BIRC6: variants seen among roughly 807,000 people sequenced by gnomAD.
BIRC6 encodes the protein baculoviral IAP repeat containing 6.
BIRC6 carries 98 observed loss-of-function variants against 503.3 expected under a neutral mutation model. That is an observed-to-expected ratio of 0.19 (90% CI 0.17 to 0.23). The LOEUF (loss-of-function observed/expected upper bound fraction) is 0.23, where lower values mean the gene tolerates loss of function less well. BIRC6 is among the 10% of genes least tolerant of loss of function. BIRC6 has a pLI of 1.00. For missense variants in BIRC6, 5,360 were observed against 5,806.0 expected (o/e 0.92, Z 2.50); for synonymous variants, 2,240 against 2,078.7 (o/e 1.08, Z -2.11).
intron 6 of BIRC6, among the ~76,000 whole-genome samples, chr2:32,397,300 G>A (rs1256314080): frequency 2.0e-5 from 3 of 151,762 alleles, no homozygotes; most frequent in Non-Finnish European, 2.9e-5. Context: ...GTGAAACCCC[G>A]TCTCTGCTAA....
At chr2:32,417,215 A>G (rs569824767) in intron 10 of BIRC6, among the ~76,000 whole-genome samples, 1 of 152,190 alleles carries the variant, frequency 6.6e-6, no homozygotes, top group African/African-American at 2.4e-5. Context: ...CTGCAGCCTC[A>G]ACCTCCTGGG....
At chr2:32,581,431 G>A (rs985708706) in intron 66 of BIRC6, among the ~76,000 whole-genome samples, 1 of 152,144 alleles carries the variant, frequency 6.6e-6, no homozygotes, top group Non-Finnish European at 1.5e-5. Context: ...TTGTGAGGAA[G>A]AACTTTTAGA....
At chr2:32,516,518 A>G (rs1172907491) in intron 55 of BIRC6, among the ~76,000 whole-genome samples, 1 of 150,304 alleles carries the variant, frequency 6.7e-6, no homozygotes, top group Non-Finnish European at 1.5e-5. Flanking sequence ...TCTGTCTCAA[A>G]AAAAAAAAAA....
chr2:32,440,773 T>C (rs2045345521), intron 16 of BIRC6, among the ~76,000 whole-genome samples: 1 of 150,670 alleles, frequency 6.6e-6, no homozygotes, highest in South Asian at 2.1e-4. Context: ...ATTATTATTA[T>C]TATTATTGAG....
intron 13 of BIRC6, among the ~76,000 whole-genome samples, chr2:32,435,254 C>A (rs758796709): frequency 3.8e-4 from 58 of 152,216 alleles, no homozygotes; most frequent in Non-Finnish European, 6.2e-4. Flanking sequence ...CAGATTGTTT[C>A]TTTAGGCAAA....
chr2:32,441,845 A>G (rs1038105442), intron 17 of BIRC6, among the ~76,000 whole-genome samples: 2 of 152,226 alleles, frequency 1.3e-5, no homozygotes, highest in Non-Finnish European at 2.9e-5. Context: ...CAAAACAAAA[A>G]GAAATTATAC....
intron 32 of BIRC6, among the ~76,000 whole-genome samples, chr2:32,471,757 A>G (rs1324602322): frequency 6.6e-6 from 1 of 152,202 alleles, no homozygotes; most frequent in Non-Finnish European, 1.5e-5. Context: ...ACCTAAATCC[A>G]GTATGTAAGC....
intron 40 of BIRC6, among the ~76,000 whole-genome samples, chr2:32,486,426 C>T (rs754489973): frequency 6.6e-6 from 1 of 152,074 alleles, no homozygotes; most frequent in South Asian, 2.1e-4. Context: ...CATCACATTA[C>T]GGTTTGTTTT....
intron 34 of BIRC6, 111 bp downstream of exon 34, chr2:32,476,455 A>G: frequency 2.5e-6 from 3 of 1,193,192 alleles, no homozygotes; most frequent in African/African-American, 1.6e-5. Flanking sequence ...AGAGAAGCCA[A>G]CCTACTCTGG....
In BIRC6 at chr2:32,415,303, A is replaced by C. The variant is rs1486967946; in HGVS notation, c.2012A>C (p.Glu671Ala). Residue 671 changes from glutamate (E) to alanine (A), a missense_variant, in exon 10 of 74, where the codon GAG (glutamate) becomes GCG (alanine). Around this residue, in one of 16 missense-constraint regions of BIRC6, gnomAD observed 700 missense variants for 739.3 expected, o/e 0.95. Coordinates refer to ENST00000421745, the MANE Select transcript of BIRC6 (RefSeq NM_016252.4). ...GFTVPQIIEM[E>A]LDSQEQLLLQ... ...ACTGTTCCACAGATTATTGAAATGG[A>C]GCTGGATAGTCAGGAGCAGTTGTTA... 6.2e-7 allele frequency: 1 copy of C among 1,614,062 alleles called. No individual in the cohort carries two copies. The highest frequency in any genetic ancestry group is 1.7e-5 in the Admixed American group (1 of 60,028).
At chr2:32,447,665 T>C (rs1207002768) in intron 21 of BIRC6, among the ~76,000 whole-genome samples, 71 of 52,478 alleles carry the variant, frequency 1.4e-3, no homozygotes, top group Admixed American at 2.5e-3. Flanking sequence ...TGACCCCCCC[T>C]CCCCCCTCCC....
At position 32,470,308 on chromosome 2, in the gene BIRC6, A is replaced by G; in HGVS notation, c.6481+7A>G. The G allele has an allele frequency of 6.5e-7, 1 of 1,548,218 alleles. No individual in the cohort carries two copies. The highest frequency in any genetic ancestry group is 8.7e-7 in the Non-Finnish European group (1 of 1,149,238). The stretch of plus-strand genomic sequence containing the variant: ...ATGCATAGGAGGACAGAAGGTATTA[A>G]GAGAAAGCAGTGTTCTTTAGTAAAA... On this transcript the variant is annotated splice_region_variant and intron_variant, in intron 31 of 73. Coordinates refer to ENST00000421745, the MANE Select transcript of BIRC6 (RefSeq NM_016252.4).
At chr2:32,455,377 T>A (rs1380052894) in intron 23 of BIRC6, among the ~76,000 whole-genome samples, 1 of 67,050 alleles carries the variant, frequency 1.5e-5, no homozygotes, top group East Asian at 3.4e-4. Flanking sequence ...AGACTCTGTC[T>A]CCAAAAAAAA....
chr2:32,485,830 A>C, intron 40 of BIRC6, 71 bp downstream of exon 40: 1 of 1,032,714 alleles, frequency 9.7e-7, no homozygotes, highest in Non-Finnish European at 1.5e-6. Flanking sequence ...AGGTGGATTC[A>C]TCAAGGACAG....
chr2:32,384,582 G>A (rs771777969), intron 3 of BIRC6, among the ~76,000 whole-genome samples: 2 of 152,138 alleles, frequency 1.3e-5, no homozygotes, highest in African/African-American at 4.8e-5. Flanking sequence ...TAGGAATCCC[G>A]TATAATCAAC....
At chr2:32,529,061 G>A (rs547757101) in intron 59 of BIRC6, 1 of 152,238 alleles carries the variant, frequency 6.6e-6, no homozygotes, top group East Asian at 1.9e-4. Context: ...AAATGAAATT[G>A]CCAACTCAGT....
chr2:32,445,263 A>T (rs1276805765), intron 20 of BIRC6, among the ~76,000 whole-genome samples: 1 of 152,236 alleles, frequency 6.6e-6, no homozygotes, highest in African/African-American at 2.4e-5. Context: ...ATACACCTAA[A>T]TGACTTTATA....
chr2:32,588,232 G>C (rs1377218090), intron 66 of BIRC6, among the ~76,000 whole-genome samples: 1 of 152,120 alleles, frequency 6.6e-6, no homozygotes, highest in Non-Finnish European at 1.5e-5. Context: ...GTAGGTGCCT[G>C]TAATCTCAGC....
At chr2:32,423,680 C>G (rs72798782) in intron 10 of BIRC6, among the ~76,000 whole-genome samples, 15 of 152,168 alleles carry the variant, frequency 9.9e-5, no homozygotes, top group African/African-American at 3.1e-4. Context: ...ATCCACCCCC[C>G]CAATCCCTGC....
Sources: allele counts gnomAD v4.1 joint callset (sites outside exome capture counted in the v4.1 genomes callset), GRCh38; gene constraint gnomAD v4.1.1; regional missense constraint gnomAD v4.1.1; transcripts MANE v1.5; gene names NCBI Gene and HGNC (gene_info 2026-07-23, HGNC 2026-07-21).